The following CUBN variants were observed in gnomAD, a reference collection of about 807,000 sequenced individuals.
The protein encoded by CUBN is 460 kDa receptor.
In CUBN, 282 loss-of-function variants were observed where a neutral mutation model predicts 405.3. The observed-to-expected ratio is 0.70, with a 90% CI of 0.63 to 0.77. The LOEUF is 0.77. Among genes scored for constraint, CUBN ranks in the 30% least tolerant of loss-of-function variants. CUBN has a pLI of 0.00. For missense variants in CUBN, 4,514 were observed against 4,475.2 expected (o/e 1.01, Z -0.25); for synonymous variants, 1,684 against 1,617.0 (o/e 1.04, Z -0.99).
chr10:16,949,889 T>A, intron 34 of CUBN, 112 bp downstream of exon 34: 1 of 819,184 alleles, frequency 1.2e-6, no homozygotes, highest in East Asian at 2.7e-5. Context: ...CTTAGGCTGC[T>A]CTTTCTATTT....
At chr10:17,073,575 T>C (rs1051542938) in intron 17 of CUBN, among the ~76,000 whole-genome samples, 1 of 151,842 alleles carries the variant, frequency 6.6e-6, no homozygotes, top group African/African-American at 2.4e-5. Context: ...GCCTCCCAAG[T>C]AGCTGGGATT....
At position 16,925,444 on chromosome 10, in the gene CUBN, T is replaced by C; in HGVS notation, c.6463-20A>G. ...TCTTAGCTGGAAAGACAAATTAAAA[T>C]TTCATCAACTCCTTTACATTGCAAA... On this transcript the variant is annotated intron_variant, in intron 42 of 66. Transcript: ENST00000377833. 2 of 1,611,766 alleles carry C rather than the reference T, an allele frequency of 1.2e-6. No homozygotes were observed. Among genetic ancestry groups the C allele is most frequent in the Non-Finnish European group, 1.7e-6 (2 of 1,178,040 alleles).
At chr10:16,833,376 G>A (rs1224814853) in intron 64 of CUBN, among the ~76,000 whole-genome samples, 1 of 152,150 alleles carries the variant, frequency 6.6e-6, no homozygotes. Flanking sequence ...CTGTCGTGGC[G>A]AGTATTCCTT....
rs775019330 is a variant in CUBN, at chr10:17,068,134, C to T, written c.2938G>A (p.Glu980Lys). Residue 980 changes from glutamate to lysine, a missense_variant, in exon 21 of 67, where the codon GAG (glutamate) becomes AAG (lysine). Transcript: ENST00000377833. ...IHLMFETFHL[E>K]FHYNCTNDYL... Reference sequence around the variant, plus strand: ...TCGTTTGTGCAATTGTAATGAAACTCCAGATGAAATGTTTCGAACATTAAA... The same window carrying T: ...TCGTTTGTGCAATTGTAATGAAACTTCAGATGAAATGTTTCGAACATTAAA... 1 of 1,613,538 alleles carries T rather than the reference C, an allele frequency of 6.2e-7. No homozygotes were observed.
chr10:16,856,277 C>A (rs1297416960), intron 59 of CUBN, among the ~76,000 whole-genome samples: 6 of 152,136 alleles, frequency 3.9e-5, no homozygotes, highest in Non-Finnish European at 8.8e-5. Context: ...CCTCATCAAT[C>A]AGGTGTGTCA....
intron 58 of CUBN, 125 bp from the exon 59 acceptor site, chr10:16,869,978 A>G: frequency 6.8e-6 from 5 of 737,132 alleles, no homozygotes; most frequent in South Asian, 1.5e-5. Context: ...CTCACTTGAT[A>G]TGAAATATTA....
intron 31 of CUBN, among the ~76,000 whole-genome samples, chr10:16,970,303 G>A (rs1343372755): frequency 2.0e-5 from 3 of 152,194 alleles, no homozygotes; most frequent in Non-Finnish European, 2.9e-5. Context: ...GGTGGCTCAC[G>A]CCTATAATCC....
chr10:17,040,295 T>C (rs571410202), intron 27 of CUBN, among the ~76,000 whole-genome samples: 1 of 152,304 alleles, frequency 6.6e-6, no homozygotes, highest in African/African-American at 2.4e-5. Flanking sequence ...TGAAGTATTA[T>C]ATATTAACAA....
In CUBN at chr10:17,043,822, C is replaced by T. The variant is rs1279881398; in HGVS notation, c.3829+5G>A. The T allele has an allele frequency of 6.2e-7, 1 of 1,612,908 alleles. No homozygotes were observed. Among genetic ancestry groups the T allele is most frequent in the African/African-American group, 1.3e-5 (1 of 74,978 alleles). ...CACACTTACTCTGCCGGTATTCACA[C>T]TTACTCTGCCGGTATTCAGCCTTGA... On this transcript the variant is annotated splice_donor_5th_base_variant and intron_variant, in intron 26 of 66. Coordinates refer to ENST00000377833, the MANE Select transcript of CUBN (RefSeq NM_001081.4).
chr10:17,049,481 G>C (rs1362660938), intron 22 of CUBN, among the ~76,000 whole-genome samples: 1 of 152,190 alleles, frequency 6.6e-6, no homozygotes, highest in African/African-American at 2.4e-5. Context: ...CTCAGGTGGA[G>C]GAACCTGAAT....
intron 59 of CUBN, among the ~76,000 whole-genome samples, chr10:16,854,803 AT>A (rs1390163327): frequency 2.0e-5 from 3 of 152,162 alleles, no homozygotes; most frequent in Non-Finnish European, 2.9e-5. Context: ...GACTAATGCC[AT>A]AAAGCAGCAC....
intron 62 of CUBN, among the ~76,000 whole-genome samples, chr10:16,837,325 A>T (rs1353723139): frequency 4.0e-5 from 6 of 151,156 alleles, no homozygotes; most frequent in African/African-American, 1.5e-4. Context: ...GGGGGAAGGG[A>T]GGGAGGCTCC....
intron 17 of CUBN, among the ~76,000 whole-genome samples, chr10:17,075,408 T>C (rs537931834): frequency 6.6e-6 from 1 of 152,064 alleles, no homozygotes; most frequent in East Asian, 1.9e-4. Flanking sequence ...TTTAAAAGGA[T>C]GATATTCAAA....
chr10:16,857,571 A>C (rs568950853), intron 59 of CUBN, among the ~76,000 whole-genome samples: 2 of 152,248 alleles, frequency 1.3e-5, no homozygotes, highest in African/African-American at 2.4e-5. Flanking sequence ...TTACTAAGCA[A>C]AATGACATGA....
Position 16,856,847 on chromosome 10 carries a change from A to G in CUBN, c.9455-5404T>C, listed in dbSNP as rs575493077. Among the ~76,000 whole-genome samples the G allele has an allele frequency of 1.5e-3, 233 of 152,290 alleles. 1 individual carries two copies. The highest frequency in any genetic ancestry group is 5.4e-3 in the African/African-American group (226 of 41,572). The stretch of plus-strand genomic sequence containing the variant: ...CTGCAGCTGAAGGAAGCTTTACTGG[A>G]AACTACAGGAAGCAGAATACAAAGA... On this transcript the variant is annotated intron_variant, in intron 59 of 66. Transcript: ENST00000377833.
Position 16,956,351 on chromosome 10 carries a change from A to G in CUBN, c.4696-1803T>C, listed in dbSNP as rs1475146069. On this transcript the variant is annotated intron_variant, in intron 31 of 66. Transcript: ENST00000377833. ...AATATATATATATATATCTCCAATA[A>G]ATGAAACCTGATGACTGATTTTCAT... 2.6e-5 allele frequency among the ~76,000 whole-genome samples: 4 copies of G among 151,898 alleles called. No individual in the cohort carries two copies. In the East Asian group the frequency reaches 7.7e-4, roughly 29 times the overall value.
chr10:16,990,305 T>C (rs1361135344), intron 29 of CUBN, 29 bp downstream of exon 29: 3 of 1,610,728 alleles, frequency 1.9e-6, no homozygotes, highest in South Asian at 2.2e-5. Context: ...AACTTTGGAA[T>C]GTGCTGAAAA....
Sources: allele counts gnomAD v4.1 joint callset (sites outside exome capture counted in the v4.1 genomes callset), GRCh38; gene constraint gnomAD v4.1.1; transcripts MANE v1.5; gene names NCBI Gene and HGNC (gene_info 2026-07-23, HGNC 2026-07-21).